The following GRIA1 variants were observed in gnomAD, a reference collection of about 807,000 sequenced individuals.
GRIA1 encodes glutamate receptor 1.
A neutral mutation model predicts 99.2 loss-of-function variants in GRIA1; 31 were observed. That is an observed-to-expected ratio of 0.31 (90% CI 0.23 to 0.42). The LOEUF (loss-of-function observed/expected upper bound fraction) is 0.42, where lower values mean the gene tolerates loss of function less well. Ranked by LOEUF, GRIA1 falls within the 10% of genes least tolerant of loss-of-function variation. GRIA1 has a pLI of 1.00. For synonymous variants in GRIA1, 438 were observed against 432.4 expected, an observed-to-expected ratio of 1.01 and a Z score of -0.16; for missense variants, 782 against 1,157.5, an observed-to-expected ratio of 0.68 and a Z score of 4.71.
At chr5:153,704,240 GTCACCAGCT>G (rs1758731481) in intron 10 of GRIA1, among the ~76,000 whole-genome samples, 1 of 152,244 alleles carries the variant, frequency 6.6e-6, no homozygotes, top group Non-Finnish European at 1.5e-5. Context: ...CATAGCATCT[GTCACCAGCT>G]TCACTTCTGG....
At chr5:153,700,773 C>T (rs1758459188) in intron 10 of GRIA1, among the ~76,000 whole-genome samples, 1 of 152,140 alleles carries the variant, frequency 6.6e-6, no homozygotes, top group Non-Finnish European at 1.5e-5. Context: ...GATGATAAAT[C>T]TTGTTTCATA....
intron 2 of GRIA1, among the ~76,000 whole-genome samples, chr5:153,565,770 G>C (rs924325672): frequency 6.6e-6 from 1 of 151,990 alleles, no homozygotes; most frequent in African/African-American, 2.4e-5. Context: ...GTCTTAGCAT[G>C]TATCAGTGCT....
intron 2 of GRIA1, among the ~76,000 whole-genome samples, chr5:153,504,144 G>A (rs1366780768): frequency 6.6e-6 from 1 of 152,002 alleles, no homozygotes; most frequent in Admixed American, 6.6e-5. Flanking sequence ...TGCTTGACAT[G>A]GGCCTAGTGA....
chr5:153,573,756 A>G (rs751837736), intron 2 of GRIA1, among the ~76,000 whole-genome samples: 1 of 152,216 alleles, frequency 6.6e-6, no homozygotes, highest in Non-Finnish European at 1.5e-5. Flanking sequence ...TCCCAAAGGT[A>G]ATGGAGGAGA....
chr5:153,575,503 C>T (rs1762454486), intron 2 of GRIA1, among the ~76,000 whole-genome samples: 1 of 152,172 alleles, frequency 6.6e-6, no homozygotes, highest in South Asian at 2.1e-4. Context: ...GTCCTAAAGG[C>T]TGTGAAAAAT....
chr5:153,527,157 A>G (rs920657380), intron 2 of GRIA1, among the ~76,000 whole-genome samples: 3 of 152,194 alleles, frequency 2.0e-5, no homozygotes, highest in Non-Finnish European at 2.9e-5. Flanking sequence ...GAACTCCGCA[A>G]TCTTGAATAC....
chr5:153,547,235 C>T (rs893048044), intron 2 of GRIA1, among the ~76,000 whole-genome samples: 2 of 152,052 alleles, frequency 1.3e-5, no homozygotes, highest in African/African-American at 4.8e-5. Flanking sequence ...TGGTCCAAGA[C>T]AATGCTTCTT....
At chr5:153,729,608 T>G (rs891233801) in intron 11 of GRIA1, among the ~76,000 whole-genome samples, 8 of 151,954 alleles carry the variant, frequency 5.3e-5, no homozygotes. Flanking sequence ...AGAGCAAACA[T>G]TTTTCTGTGC....
chr5:153,490,244 T>C (rs1335933686), upstream of GRIA1: 1 of 179,504 alleles, frequency 5.6e-6, no homozygotes, highest in Non-Finnish European at 1.2e-5. Flanking sequence ...TTGAGGACTA[T>C]TGTGGGGACC....
At chr5:153,717,607 T>C (rs1759759426) in intron 11 of GRIA1, among the ~76,000 whole-genome samples, 1 of 152,134 alleles carries the variant, frequency 6.6e-6, no homozygotes, top group Admixed American at 6.5e-5. Context: ...TACCCTGCTA[T>C]GAGGCTATTA....
chr5:153,758,448 T>C (rs867771557), intron 11 of GRIA1, among the ~76,000 whole-genome samples: 1 of 151,690 alleles, frequency 6.6e-6, no homozygotes, highest in Middle Eastern at 3.2e-3. Context: ...GGAAAAAAAT[T>C]ATAACAAAAA....
intron 11 of GRIA1, among the ~76,000 whole-genome samples, chr5:153,735,563 C>T (rs1224953920): frequency 6.6e-6 from 1 of 152,132 alleles, no homozygotes; most frequent in Admixed American, 6.6e-5. Context: ...TTGTGGATTT[C>T]ATTTCTGCCT....
chr5:153,570,081 T>C (rs1761982359), intron 2 of GRIA1, among the ~76,000 whole-genome samples: 1 of 152,202 alleles, frequency 6.6e-6, no homozygotes, highest in African/African-American at 2.4e-5. Flanking sequence ...TTACCCACTG[T>C]CAGCAATGGC....
At chr5:153,624,803 A>T (rs931376973) in intron 2 of GRIA1, among the ~76,000 whole-genome samples, 1 of 152,228 alleles carries the variant, frequency 6.6e-6, no homozygotes, top group East Asian at 1.9e-4. Flanking sequence ...TACAAGAAAC[A>T]TGCATCTTTA....
At chr5:153,600,113 C>A (rs2149396111) in intron 2 of GRIA1, among the ~76,000 whole-genome samples, 1 of 152,120 alleles carries the variant, frequency 6.6e-6, no homozygotes, top group East Asian at 1.9e-4. Context: ...GAGTCTGGAC[C>A]CGGCGCGGTG....
At chr5:153,694,131 AT>A (rs1433857272) in intron 8 of GRIA1, among the ~76,000 whole-genome samples, 1 of 152,278 alleles carries the variant, frequency 6.6e-6, no homozygotes. Context: ...GCTATACCAC[AT>A]TTTTTTAGAG....
At position 153,490,938 on chromosome 5, in the gene GRIA1, T is replaced by C. The variant is rs369322935; in HGVS notation, c.50T>C (p.Val17Ala). The change falls in exon 1 of 16, where the codon GTA becomes GCA. Residue 17 changes from valine to alanine, a missense_variant. Transcript: ENST00000285900. ...FFCTGFLGAV[V>A]GANFPNNIQI... ...TGCACCGGTTTCCTAGGCGCGGTAG[T>C]AGGTGCCAATTTCCCCAACAATATC... 5 of 1,614,004 alleles carry C rather than the reference T, an allele frequency of 3.1e-6. No homozygotes were observed. The highest frequency in any genetic ancestry group is 2.7e-5 in the African/African-American group (2 of 74,904).
At chr5:153,592,158 G>A (rs1376628009) in intron 2 of GRIA1, among the ~76,000 whole-genome samples, 1 of 152,172 alleles carries the variant, frequency 6.6e-6, no homozygotes, top group Non-Finnish European at 1.5e-5. Flanking sequence ...TTTAGAAGTT[G>A]GTTCTTTTCA....
chr5:153,721,675 A>G (rs1581535173), intron 11 of GRIA1, among the ~76,000 whole-genome samples: 2 of 152,290 alleles, frequency 1.3e-5, no homozygotes, highest in East Asian at 3.9e-4. Flanking sequence ...ACCTTCATCC[A>G]TGTATCACAT....
Sources: gnomAD v4.1 joint callset for allele counts (sites outside exome capture counted in the v4.1 genomes callset) on GRCh38, gnomAD v4.1.1 for gene constraint, MANE v1.5 for transcripts, NCBI Gene and HGNC (gene_info 2026-07-23, HGNC 2026-07-21) for gene names.